DDX17: variants seen among roughly 807,000 people sequenced by gnomAD.
The protein encoded by DDX17 is DEAD-box helicase 17.
A neutral mutation model predicts 80.8 loss-of-function variants in DDX17; 10 were observed. That is an observed-to-expected ratio of 0.12 (90% CI 0.08 to 0.21). The LOEUF (loss-of-function observed/expected upper bound fraction) is 0.21, where lower values mean the gene tolerates loss of function less well. DDX17 is among the 10% of genes least tolerant of loss of function. The probability of loss-of-function intolerance (pLI) is 1.00; values close to 1 mark genes in which losing one functional copy is unlikely to be tolerated. For synonymous variants in DDX17, 339 were observed against 336.2 expected (o/e 1.01, Z -0.09); for missense variants, 586 against 957.4 (o/e 0.61, Z 5.12).
Position 38,484,520 on chromosome 22 carries a change from G to A in DDX17, c.*1415C>T, listed in dbSNP as rs1194624137. 6.6e-6 allele frequency: 1 copy of A among 152,246 alleles called. No individual in the cohort carries two copies. Among genetic ancestry groups the A allele is most frequent in the African/African-American group, 2.4e-5 (1 of 41,458 alleles). The allele number at this position is 152,246 out of a possible 1,614,324, so 9.4% of individuals were successfully genotyped here. On this transcript the variant is annotated 3_prime_UTR_variant, in exon 13 of 13. Transcript: ENST00000403230. ...GGAGCCTTCCCCCTTCAACTGCATT[G>A]TGAATGAATACCAATTAACAGCATA... is the stretch of plus-strand genomic sequence containing the variant.
chr22:38,491,813 G>C (rs2089716236), intron 11 of DDX17: 2 of 410,908 alleles, frequency 4.9e-6, no homozygotes, highest in Non-Finnish European at 8.5e-6. Flanking sequence ...GCAGACCAAA[G>C]CCTGTTTGTT....
intron 1 of DDX17, 179 bp downstream of exon 1, chr22:38,505,772 G>A (rs1042495412): frequency 4.0e-6 from 3 of 750,218 alleles, no homozygotes; most frequent in Non-Finnish European, 6.1e-6. Context: ...CGCCCTCCTC[G>A]GGTCCCGAGT....
intron 12 of DDX17, among the ~76,000 whole-genome samples, chr22:38,487,217 A>T (rs567651217): frequency 5.9e-4 from 90 of 152,308 alleles, no homozygotes; most frequent in Non-Finnish European, 7.5e-4. Flanking sequence ...AGCCTCAGCT[A>T]GGTTTGGTGG....
intron 10 of DDX17, among the ~76,000 whole-genome samples, chr22:38,492,490 T>G (rs77502033): frequency 0.019 from 2,873 of 152,276 alleles, 40 homozygotes; most frequent in South Asian, 0.05. Flanking sequence ...TATTTATTTT[T>G]CTTTCTTTTT....
At position 38,485,837 on chromosome 22, in the gene DDX17, A is replaced by G; in HGVS notation, c.*98T>C. On this transcript the variant is annotated 3_prime_UTR_variant, in exon 13 of 13. Transcript: ENST00000403230. ...AAAATTAAAAAAAAAAAAAGAAAAA[A>G]GGAAAAAAAAAGAAAAGGCGAAGAG... 7.1e-7 allele frequency: 1 copy of G among 1,406,984 alleles called. No individual in the cohort carries two copies. The highest frequency in any genetic ancestry group is 9.3e-7 in the Non-Finnish European group (1 of 1,078,322). The allele number at this position is 1,406,984 out of a possible 1,614,324, so 87.2% of individuals were successfully genotyped here. A position where few individuals can be genotyped will look rare whatever the true frequency, so the allele number is the denominator to read the frequency against.
In DDX17 at chr22:38,494,404, T is replaced by C. The variant is rs6001139; in HGVS notation, c.1214+226A>G. 5,792 of 620,170 alleles carry C rather than the reference T, an allele frequency of 9.3e-3. 263 individuals carry two copies. In the African/African-American group the frequency reaches 0.096, roughly 10 times the overall value. 38.4% of individuals were successfully genotyped at this position (620,170 alleles called of 1,614,324 possible). A position where few individuals can be genotyped will look rare whatever the true frequency, so the allele number is the denominator to read the frequency against. ...CAAGACACAAAATTGTGCAAAATTA[T>C]ACAGCTTGTAATCAGCAGAGCTAAA... On this transcript the variant is annotated intron_variant, in intron 8 of 12. Transcript: ENST00000403230.
chr22:38,499,862 G>C (rs1158967714), intron 2 of DDX17, among the ~76,000 whole-genome samples: 1 of 152,068 alleles, frequency 6.6e-6, no homozygotes, highest in African/African-American at 2.4e-5. Context: ...ATGGTAATGA[G>C]GTACAAGAAG....
Position 38,486,080 on chromosome 22 carries a change from A to G in DDX17, c.2045T>C (p.Ile682Thr). The change falls in exon 13 of 13, where the codon ATA (isoleucine) becomes ACA (threonine). Residue 682 changes from isoleucine to threonine, a missense_variant. Ile to Thr is a moderately conservative substitution (Grantham distance 89, BLOSUM62 -1). Transcript: ENST00000403230. The stretch of plus-strand genomic sequence containing the variant: ...CTGTGGCTGCTGCCCAGACCGGCCT[A>G]TCCCACTAAACTGCTGGCTAGAGCT... The G allele has an allele frequency of 6.2e-7, 1 of 1,614,114 alleles. No individual in the cohort carries two copies.
At chr22:38,490,615 C>T (rs2089704390) in intron 11 of DDX17, 7 of 445,016 alleles carry the variant, frequency 1.6e-5, no homozygotes, top group South Asian at 8.9e-5. Flanking sequence ...AAGAGACCAT[C>T]GCTTGACAGG....
intron 1 of DDX17, among the ~76,000 whole-genome samples, chr22:38,504,007 T>C (rs2089855966): frequency 6.6e-6 from 1 of 152,204 alleles, no homozygotes. Flanking sequence ...CTTTTTTCCT[T>C]TCAAATAACT....
rs1569136133 is a variant in DDX17 at position 38,485,837 on chromosome 22, AG to A, written c.*97del. ...AAAATTAAAAAAAAAAAAAGAAAAA[AG>A]GAAAAAAAAAGAAAAGGCGAAGAGG... On this transcript the variant is annotated 3_prime_UTR_variant, in exon 13 of 13. Coordinates refer to ENST00000403230, the MANE Select transcript of DDX17 (RefSeq NM_006386.5). 1.0e-4 allele frequency: 141 copies of A among 1,406,984 alleles called. No individual in the cohort carries two copies. Among genetic ancestry groups the A allele is most frequent in the Admixed American group, 3.8e-4 (12 of 31,950 alleles). 87.2% of individuals were successfully genotyped at this position (1,406,984 alleles called of 1,614,324 possible).
At position 38,491,923 on chromosome 22, in the gene DDX17, ATTT is replaced by A. The variant is rs990567829; in HGVS notation, c.1447+130_1447+132del. 8 of 607,628 alleles carry A rather than the reference ATTT, an allele frequency of 1.3e-5. No homozygotes were observed. The African/African-American group carries it at 1.5e-4, about 12-fold the overall frequency. The allele number at this position is 607,628 out of a possible 1,614,324, so 37.6% of individuals were successfully genotyped here. A position where few individuals can be genotyped will look rare whatever the true frequency, so the allele number is the denominator to read the frequency against. Reference sequence around the variant, plus strand: ...GGGAATGGGGAGAATCACGCTTTGTATTTTTTTCTTTCAAATATTTATCTAACC... The same window carrying A: ...GGGAATGGGGAGAATCACGCTTTGTATTTTCTTTCAAATATTTATCTAACC... On this transcript the variant is annotated intron_variant, in intron 11 of 12. Transcript: ENST00000403230.
chr22:38,498,370 G>A, intron 4 of DDX17, 70 bp downstream of exon 4: 2 of 1,592,834 alleles, frequency 1.3e-6, no homozygotes, highest in South Asian at 1.1e-5. Context: ...GAAGAACTGA[G>A]AACGTATGAC....
chr22:38,504,986 G>A (rs2089866461), intron 1 of DDX17, among the ~76,000 whole-genome samples: 1 of 152,202 alleles, frequency 6.6e-6, no homozygotes, highest in African/African-American at 2.4e-5. Context: ...TCGGCTCACT[G>A]CAACCTCCTC....
At chr22:38,491,821 G>A in intron 11 of DDX17, 4 of 417,540 alleles carry the variant, frequency 9.6e-6, no homozygotes, top group Non-Finnish European at 1.2e-5. Context: ...AAGCCTGTTT[G>A]TTAGGAGCAG....
At chr22:38,492,148 A>C (rs576566877) in intron 10 of DDX17, 33 bp from the exon 11 acceptor site, 2 of 1,570,842 alleles carry the variant, frequency 1.3e-6, no homozygotes, top group East Asian at 4.5e-5. Context: ...TCATCAAATA[A>C]GCATTCCTTG....
intron 1 of DDX17, among the ~76,000 whole-genome samples, chr22:38,503,296 C>T (rs1415679714): frequency 3.9e-5 from 6 of 152,166 alleles, no homozygotes; most frequent in Non-Finnish European, 7.3e-5. Context: ...ATCACTCTTG[C>T]AAATTATAAA....
chr22:38,497,566 T>TGA (rs948981704), intron 5 of DDX17, among the ~76,000 whole-genome samples: 46 of 137,850 alleles, frequency 3.3e-4, no homozygotes, highest in Non-Finnish European at 6.4e-4. Flanking sequence ...TGCAGTGAGC[T>TGA]GAGATCTCGC....
At chr22:38,503,984 G>T (rs899387741) in intron 1 of DDX17, among the ~76,000 whole-genome samples, 2 of 152,190 alleles carry the variant, frequency 1.3e-5, no homozygotes, top group Non-Finnish European at 2.9e-5. Flanking sequence ...TCAAAGTATG[G>T]ATCAGTAATT....
Sources: allele counts gnomAD v4.1 joint callset (sites outside exome capture counted in the v4.1 genomes callset), GRCh38; gene constraint gnomAD v4.1.1; transcripts MANE v1.5; gene names NCBI Gene and HGNC (gene_info 2026-07-23, HGNC 2026-07-21).